RFX8: variants seen among roughly 807,000 people sequenced by gnomAD.
The protein encoded by RFX8 is DNA-binding protein RFX8.
In RFX8, 46 loss-of-function variants were observed where a neutral mutation model predicts 54.6. That is an observed-to-expected ratio of 0.84 (90% CI 0.67 to 1.08). RFX8 has a LOEUF of 1.08. Ranked by LOEUF, RFX8 falls within the 50% of genes least tolerant of loss-of-function variation. The pLI is 0.00. For missense variants in RFX8, 536 were observed against 562.3 expected (o/e 0.95, Z 0.47); for synonymous variants, 192 against 209.5 (o/e 0.92, Z 0.72).
intron 2 of RFX8, among the ~76,000 whole-genome samples, chr2:101,451,562 G>A (rs555994005): frequency 4.0e-5 from 6 of 151,680 alleles, no homozygotes; most frequent in Non-Finnish European, 5.9e-5. Context: ...GGTGGCAGGC[G>A]CCTGTAATCC....
At chr2:101,425,883 G>C (rs1437871089) in intron 2 of RFX8, among the ~76,000 whole-genome samples, 2 of 152,174 alleles carry the variant, frequency 1.3e-5, no homozygotes, top group African/African-American at 2.4e-5. Context: ...TTCCAGTGTG[G>C]AAACAATAAT....
intron 2 of RFX8, among the ~76,000 whole-genome samples, chr2:101,434,418 C>A (rs1256611732): frequency 6.6e-6 from 1 of 152,134 alleles, no homozygotes; most frequent in East Asian, 1.9e-4. Context: ...AACAGCTTAA[C>A]TGCAAAATGA....
Position 101,402,443 on chromosome 2 carries a change from C to T in RFX8, c.1238G>A (p.Gly413Asp), listed in dbSNP as rs541417537. The change falls in exon 11 of 12, where the codon GGC becomes GAC. Residue 413 changes from glycine to aspartate, a missense_variant. Coordinates refer to ENST00000428343, the MANE Select transcript of RFX8 (RefSeq NM_001145664.2). ...ILGFLVDTAM[G>D]NKLIQVLLED... Reference sequence around the variant, plus strand: ...GGGTCCTGGTGTCCCTACCTTATTGCCCATGGCAGTGTCCACCAGGAAGCC... The same window carrying T: ...GGGTCCTGGTGTCCCTACCTTATTGTCCATGGCAGTGTCCACCAGGAAGCC... 2 of 1,547,282 alleles carry T rather than the reference C, an allele frequency of 1.3e-6. No homozygotes were observed. The highest frequency in any genetic ancestry group is 2.4e-5 in the East Asian group (1 of 40,824).
intron 6 of RFX8, among the ~76,000 whole-genome samples, chr2:101,416,924 C>T (rs1035760608): frequency 6.6e-6 from 1 of 152,176 alleles, no homozygotes; most frequent in African/African-American, 2.4e-5. Context: ...TCTAGAAACT[C>T]AGCAGAGAGA....
intron 2 of RFX8, among the ~76,000 whole-genome samples, chr2:101,438,157 C>G (rs35798094): frequency 6.6e-6 from 1 of 151,632 alleles, no homozygotes; most frequent in Admixed American, 6.6e-5. Context: ...GGGGTATCGA[C>G]CACTTCAAGC....
At chr2:101,413,211 TA>T in intron 7 of RFX8, 140 bp from the exon 8 acceptor site, 1 of 695,090 alleles carries the variant, frequency 1.4e-6, no homozygotes, top group Non-Finnish European at 2.4e-6. Context: ...AAATGAATCT[TA>T]AACAAGAATG....
chr2:101,431,805 C>T (rs565293270), intron 2 of RFX8, among the ~76,000 whole-genome samples: 16 of 152,186 alleles, frequency 1.1e-4, no homozygotes, highest in East Asian at 3.9e-4. Flanking sequence ...CAGCAGCAAT[C>T]GAAAAGAAGG....
rs141905046 is a variant in RFX8 at position 101,421,316 on chromosome 2, C to T, written c.237+408G>A. Reference sequence around the variant, plus strand: ...GATTAAATCCAATCGTGACAATACCCATGCCAGATCACTCAGCTGCGAAGT... The same window carrying T: ...GATTAAATCCAATCGTGACAATACCTATGCCAGATCACTCAGCTGCGAAGT... On this transcript the variant is annotated intron_variant, in intron 4 of 11. Transcript: ENST00000428343. The T allele has an allele frequency of 7.3e-4, 725 of 989,386 alleles. 4 individuals carry two copies. The African/African-American group carries it at 0.012, about 16-fold the overall frequency. 61.3% of individuals were successfully genotyped at this position (989,386 alleles called of 1,614,324 possible).
intron 6 of RFX8, among the ~76,000 whole-genome samples, chr2:101,416,688 G>A (rs771118363): frequency 6.6e-6 from 1 of 152,168 alleles, no homozygotes; most frequent in Admixed American, 6.5e-5. Context: ...GAGAAAATGG[G>A]TATTTCCAGG....
At chr2:101,421,447 T>A in intron 4 of RFX8, 1 of 1,129,346 alleles carries the variant, frequency 8.9e-7, no homozygotes, top group Non-Finnish European at 1.1e-6. Flanking sequence ...ATGAGCAGAA[T>A]TAGGATCTAA....
chr2:101,470,032 C>T (rs1005272352), intron 1 of RFX8, among the ~76,000 whole-genome samples: 1 of 152,072 alleles, frequency 6.6e-6, no homozygotes, highest in Non-Finnish European at 1.5e-5. Context: ...AGTCAGCATA[C>T]AGTAACTGGA....
intron 6 of RFX8, among the ~76,000 whole-genome samples, chr2:101,416,622 C>T (rs1198838236): frequency 3.3e-5 from 5 of 152,046 alleles, no homozygotes; most frequent in African/African-American, 4.8e-5. Flanking sequence ...GGTGGGACCC[C>T]GTAGGGAGTT....
intron 2 of RFX8, among the ~76,000 whole-genome samples, chr2:101,455,075 A>G (rs958849728): frequency 4.0e-5 from 6 of 149,990 alleles, no homozygotes; most frequent in Non-Finnish European, 7.4e-5. Context: ...CAATGGCACA[A>G]TCTCAGCTCA....
At chr2:101,463,799 G>A (rs927828306) in intron 2 of RFX8, among the ~76,000 whole-genome samples, 1 of 152,156 alleles carries the variant, frequency 6.6e-6, no homozygotes, top group Non-Finnish European at 1.5e-5. Context: ...GGTGAGCTGT[G>A]GGAGGAGGCA....
intron 2 of RFX8, among the ~76,000 whole-genome samples, chr2:101,464,782 C>T (rs1689485356): frequency 6.6e-6 from 1 of 152,010 alleles, no homozygotes; most frequent in Non-Finnish European, 1.5e-5. Context: ...TTTTCTAATG[C>T]TTTGCAGTAG....
intron 2 of RFX8, among the ~76,000 whole-genome samples, chr2:101,438,042 TTTTTTTAA>T (rs1378710316): frequency 1.3e-5 from 2 of 151,136 alleles, no homozygotes; most frequent in African/African-American, 4.8e-5. Context: ...TGTTCCTCTT[TTTTTTTAA>T]TTTTAATTTT....
chr2:101,446,687 C>G (rs562191070), intron 2 of RFX8, among the ~76,000 whole-genome samples: 21 of 152,134 alleles, frequency 1.4e-4, no homozygotes, highest in Admixed American at 1.4e-3. Flanking sequence ...AACAGAGTCC[C>G]CGGGACGCTA....
chr2:101,438,432 G>C (rs966619462), intron 2 of RFX8, among the ~76,000 whole-genome samples: 6 of 152,254 alleles, frequency 3.9e-5, no homozygotes, highest in Non-Finnish European at 5.9e-5. Context: ...CTTTATTGTT[G>C]AGTAGTGTTC....
At chr2:101,434,656 A>T (rs1222185294) in intron 2 of RFX8, among the ~76,000 whole-genome samples, 1 of 152,188 alleles carries the variant, frequency 6.6e-6, no homozygotes, top group African/African-American at 2.4e-5. Flanking sequence ...CTCCTTTTAA[A>T]ACCTTTCCCA....
Sources: gnomAD v4.1 joint callset for allele counts (sites outside exome capture counted in the v4.1 genomes callset) on GRCh38, gnomAD v4.1.1 for gene constraint, MANE v1.5 for transcripts, NCBI Gene and HGNC (gene_info 2026-07-23, HGNC 2026-07-21) for gene names.